DNAH14: variants seen among roughly 807,000 people sequenced by gnomAD.
DNAH14 encodes dynein axonemal heavy chain 14, also known as axonemal beta dynein heavy chain 14.
Under a neutral mutation model 520.9 loss-of-function variants are expected in DNAH14, and 478 were observed. The observed-to-expected ratio is 0.92, with a 90% CI of 0.85 to 0.99. The LOEUF is 0.99. Ranked by LOEUF, DNAH14 falls within the 50% of genes least tolerant of loss-of-function variation. The pLI, the probability that DNAH14 is intolerant of heterozygous loss-of-function variation, is 0.00. For synonymous variants in DNAH14, 1,581 were observed against 1,757.2 expected, an observed-to-expected ratio of 0.90 and a Z score of 2.51; for missense variants, 4,831 against 5,234.5, an observed-to-expected ratio of 0.92 and a Z score of 2.38.
At position 225,311,435 on chromosome 1, in the gene DNAH14, C is replaced by T. The variant is rs956957647; in HGVS notation, c.9240+3025C>T. ...TCTGATGATAGTTTCTTTTGCTGTG[C>T]GGAAGCTCTTTAGTTTAATTAGATC... is the stretch of plus-strand genomic sequence containing the variant. On this transcript the variant is annotated intron_variant, in intron 60 of 85. Transcript: ENST00000682510. Among the ~76,000 whole-genome samples the T allele has an allele frequency of 6.6e-5, 10 of 152,106 alleles. No individual in the cohort carries two copies. In the East Asian group the frequency reaches 1.3e-3, roughly 20 times the overall value.
At chr1:225,107,336 A>T (rs2076145245) in intron 23 of DNAH14, among the ~76,000 whole-genome samples, 1 of 152,134 alleles carries the variant, frequency 6.6e-6, no homozygotes, top group African/African-American at 2.4e-5. Context: ...CCACTTGAGG[A>T]GGCAGTCTGT....
At chr1:225,141,129 G>T in intron 28 of DNAH14, 108 bp downstream of exon 28, 1 of 1,118,130 alleles carries the variant, frequency 8.9e-7, no homozygotes. Context: ...TTAATTTTGG[G>T]GGCTTTACCA....
intron 23 of DNAH14, among the ~76,000 whole-genome samples, chr1:225,106,796 G>C (rs1030177999): frequency 4.6e-5 from 7 of 151,906 alleles, no homozygotes; most frequent in African/African-American, 1.7e-4. Flanking sequence ...TTTTTTTCAA[G>C]GTTTTTAACT....
intron 8 of DNAH14, among the ~76,000 whole-genome samples, 153 bp from the exon 9 acceptor site, chr1:225,002,630 C>T (rs1409666236): frequency 3.3e-5 from 5 of 152,046 alleles, no homozygotes. Flanking sequence ...CCAAACACAA[C>T]CCCTAATGCT....
In DNAH14 at chr1:225,140,726, TATAG is replaced by T. The variant is rs779714646; in HGVS notation, c.4255-40_4255-37del. ...AAAATTTATGCTTCAATTATATATA[TATAG>T]AGAGAGATATATATATAACATTATC... On this transcript the variant is annotated intron_variant, in intron 27 of 85. Coordinates refer to ENST00000682510, the MANE Select transcript of DNAH14 (RefSeq NM_001367479.1). 98 of 1,315,198 alleles carry T rather than the reference TATAG, an allele frequency of 7.5e-5. 1 individual carries two copies. In the African/African-American group the frequency reaches 8.5e-4, roughly 11 times the overall value. The allele number at this position is 1,315,198 out of a possible 1,614,324, so 81.5% of individuals were successfully genotyped here. A position where few individuals can be genotyped will look rare whatever the true frequency, so the allele number is the denominator to read the frequency against.
Position 224,960,263 on chromosome 1 carries a change from A to G in DNAH14, c.328A>G (p.Asn110Asp). ...AAAGGATCAAACTCATGCTTGTCCA[A>G]ATGTTAGGAAAGCCAGGCCTGTGTC... The part of the protein sequence containing the change: ...RKKDQTHACP[N>D]VRKARPVSYD... Residue 110 changes from asparagine to aspartate, a missense_variant, in exon 4 of 86, where the codon AAT becomes GAT. Transcript: ENST00000682510. The G allele has an allele frequency of 6.2e-7, 1 of 1,610,920 alleles. No individual in the cohort carries two copies. The highest frequency in any genetic ancestry group is 8.5e-7 in the Non-Finnish European group (1 of 1,178,558).
chr1:225,138,443 G>A (rs1465743786), intron 27 of DNAH14, among the ~76,000 whole-genome samples: 1 of 152,244 alleles, frequency 6.6e-6, no homozygotes. Context: ...TGGAAGTGAG[G>A]CCTACAGAAG....
chr1:225,103,981 G>C (rs1355934353), intron 23 of DNAH14, among the ~76,000 whole-genome samples: 1 of 149,708 alleles, frequency 6.7e-6, no homozygotes, highest in South Asian at 2.1e-4. Context: ...TTTTCAAAGG[G>C]AATGCTTCCA....
intron 8 of DNAH14, among the ~76,000 whole-genome samples, chr1:224,982,932 G>T (rs1364896224): frequency 1.3e-5 from 2 of 152,162 alleles, no homozygotes; most frequent in Admixed American, 1.3e-4. Context: ...TTCTGCAGTT[G>T]TTGAATGAAA....
rs1366755469 is a variant in DNAH14 at position 225,300,969 on chromosome 1, A to G, written c.8570A>G (p.Tyr2857Cys). 6.4e-7 allele frequency: 1 copy of G among 1,551,378 alleles called. No individual in the cohort carries two copies. The highest frequency in any genetic ancestry group is 8.7e-7 in the Non-Finnish European group (1 of 1,146,852). Residue 2857 changes from tyrosine (Y) to cysteine (C), a missense_variant, in exon 56 of 86, where the codon TAT (tyrosine) becomes TGT (cysteine). Coordinates refer to ENST00000682510, the MANE Select transcript of DNAH14 (RefSeq NM_001367479.1). ...ELDSIAMKIR[Y>C]LTEQSGHMDN... ...GATTCTATTGCAATGAAAATCAGAT[A>G]TCTTACTGAACAATCTGGTCATATG... is the stretch of plus-strand genomic sequence containing the variant.
At chr1:225,066,153 G>A (rs2070859473) in intron 17 of DNAH14, among the ~76,000 whole-genome samples, 2 of 151,868 alleles carry the variant, frequency 1.3e-5, no homozygotes, top group African/African-American at 4.8e-5. Context: ...CCATTTGTAT[G>A]TCTCCTTTTG....
intron 52 of DNAH14, among the ~76,000 whole-genome samples, chr1:225,274,210 T>G (rs1211624317): frequency 5.3e-5 from 7 of 133,104 alleles, no homozygotes; most frequent in African/African-American, 2.0e-4. Context: ...TTTTTTTTTT[T>G]TTTTTTTTTT....
intron 8 of DNAH14, among the ~76,000 whole-genome samples, chr1:224,977,004 C>T (rs1182937187): frequency 4.0e-5 from 6 of 150,008 alleles, no homozygotes; most frequent in East Asian, 2.0e-4. Context: ...ACCCAAAGGA[C>T]TATAAATCAT....
rs76315150 is a variant in DNAH14, at chr1:225,082,008, T to C, written c.3137-541T>C. On this transcript the variant is annotated intron_variant, in intron 19 of 85. Transcript: ENST00000682510. Reference sequence around the variant, plus strand: ...CAAACCAGCTGAGTACTGTGTCTCATGCCTGTAATCACAGCACTTGGGGAG... The same window carrying C: ...CAAACCAGCTGAGTACTGTGTCTCACGCCTGTAATCACAGCACTTGGGGAG... Among the ~76,000 whole-genome samples the C allele has an allele frequency of 2.1e-4, 32 of 152,270 alleles. 1 individual carries two copies. In the South Asian group the frequency reaches 6.2e-3, roughly 30 times the overall value.
In DNAH14 at chr1:225,337,265, G is replaced by C; in HGVS notation, c.10081-1G>C. On this transcript the variant is annotated splice_acceptor_variant, in intron 66 of 85. Transcript: ENST00000682510. LOFTEE classifies it high-confidence loss of function. ...TGAAAGTACTAATAATTTCATTGCA[G>C]ATCAGCCGATGGCATAATCAGGGAC... The C allele has an allele frequency of 3.2e-6, 5 of 1,550,178 alleles. No individual in the cohort carries two copies. Among genetic ancestry groups the C allele is most frequent in the South Asian group, 1.2e-5 (1 of 83,996 alleles).
intron 8 of DNAH14, among the ~76,000 whole-genome samples, chr1:224,981,075 T>C (rs1290042498): frequency 7.2e-6 from 1 of 139,344 alleles, no homozygotes; most frequent in Non-Finnish European, 1.5e-5. Context: ...TCTGTTTATG[T>C]GGTGAATCAC....
chr1:225,007,933 T>TC (rs1198882460), intron 10 of DNAH14, among the ~76,000 whole-genome samples: 3 of 151,504 alleles, frequency 2.0e-5, no homozygotes, highest in African/African-American at 7.3e-5. Flanking sequence ...TTTTCTTTTT[T>TC]TTTTTTTATA....
At chr1:225,147,342 G>T in intron 31 of DNAH14, 93 bp downstream of exon 31, 1 of 1,292,110 alleles carries the variant, frequency 7.7e-7, no homozygotes, top group South Asian at 2.2e-5. Context: ...CCCAATAAGT[G>T]TTTAGGTCTT....
chr1:224,983,865 A>G (rs1422677878), intron 8 of DNAH14, among the ~76,000 whole-genome samples: 3 of 152,200 alleles, frequency 2.0e-5, no homozygotes, highest in African/African-American at 7.2e-5. Flanking sequence ...AAGGAAGACT[A>G]CAAAACACTG....
Sources: allele counts gnomAD v4.1 joint callset (sites outside exome capture counted in the v4.1 genomes callset), GRCh38; gene constraint gnomAD v4.1.1; transcripts MANE v1.5; gene names NCBI Gene and HGNC (gene_info 2026-07-23, HGNC 2026-07-21).